MASP1: variants seen among roughly 807,000 people sequenced by gnomAD.
MASP1 encodes mannan-binding lectin serine protease 1.
Under a neutral mutation model 77.1 loss-of-function variants are expected in MASP1, and 59 were observed. The observed-to-expected ratio is 0.77, with a 90% CI of 0.62 to 0.95. The LOEUF is 0.95. Ranked by LOEUF, MASP1 falls within the 40% of genes least tolerant of loss-of-function variation. MASP1 has a pLI of 0.00. For synonymous variants in MASP1, 362 were observed against 354.5 expected (o/e 1.02, Z -0.24); for missense variants, 885 against 912.9 (o/e 0.97, Z 0.39).
chr3:187,291,656 C>G lies in MASP1; in HGVS notation c.-24G>C. 1.2e-6 allele frequency: 2 copies of G among 1,614,228 alleles called. No homozygotes were observed. The highest frequency in any genetic ancestry group is 1.7e-6 in the Non-Finnish European group (2 of 1,180,016). On this transcript the variant is annotated 5_prime_UTR_variant, in exon 1 of 11. Transcript: ENST00000296280. ...ATTTTCCTGCCTTGGGTGCTCCCGG[C>G]TGCCCGGCCTTGGTCCTCCCAGCTT...
downstream of MASP1, among the ~76,000 whole-genome samples, chr3:187,232,472 A>C (rs1012391257): frequency 6.6e-6 from 1 of 151,594 alleles, no homozygotes; most frequent in African/African-American, 2.4e-5. Context: ...TTGCTCATAA[A>C]CTCTTCCAGC....
At chr3:187,261,672 T>C (rs1484287212) in intron 3 of MASP1, among the ~76,000 whole-genome samples, 1 of 152,232 alleles carries the variant, frequency 6.6e-6, no homozygotes, top group African/African-American at 2.4e-5. Flanking sequence ...CAATGTCTCA[T>C]AAAGCTAAAC....
Position 187,236,362 on chromosome 3 carries a change from A to G in MASP1, c.1509T>C (p.Arg503=). The G allele has an allele frequency of 1.2e-6, 2 of 1,614,216 alleles. No individual in the cohort carries two copies. The highest frequency in any genetic ancestry group is 2.7e-5 in the African/African-American group (2 of 75,048). ...AGACTGGTATCACCGTGGTGTCTCT[A>G]CGCTGGGAGCGCAGCACATGAGCTG... ...LTAAHVLRSQ[R]RDTTVIPVSK... The change falls in exon 11 of 11, where the codon CGT becomes CGC. Residue 503 remains arginine (R), a synonymous_variant. Transcript: ENST00000296280.
At chr3:187,222,776 C>T (rs1310024773) in intron 14 of MASP1, among the ~76,000 whole-genome samples, 2 of 151,790 alleles carry the variant, frequency 1.3e-5, no homozygotes, top group African/African-American at 4.8e-5. Flanking sequence ...AAGAGCCTGG[C>T]TCATTCTGGC....
chr3:187,280,320 C>T (rs1463058654), intron 2 of MASP1, among the ~76,000 whole-genome samples: 2 of 152,138 alleles, frequency 1.3e-5, no homozygotes, highest in African/African-American at 4.8e-5. Flanking sequence ...AAACATGTCA[C>T]AGATGCTATT....
At chr3:187,259,985 T>A (rs1235937699) in intron 4 of MASP1, among the ~76,000 whole-genome samples, 1 of 152,214 alleles carries the variant, frequency 6.6e-6, no homozygotes. Context: ...TATTCTTTCA[T>A]CTCTGTCAAG....
chr3:187,218,216 G>A (rs1345323762), exon 16 of MASP1: 1 of 152,164 alleles, frequency 6.6e-6, no homozygotes, highest in Non-Finnish European at 1.5e-5. Flanking sequence ...TCTATTACAT[G>A]GTAGTCAATT....
intron 13 of MASP1, among the ~76,000 whole-genome samples, chr3:187,224,179 A>G (rs912164824): frequency 1.3e-5 from 2 of 152,292 alleles, no homozygotes; most frequent in Admixed American, 6.5e-5. Context: ...TGGGTCACCT[A>G]TGTTTAAGTA....
Position 187,257,277 on chromosome 3 carries a change from A to G in MASP1, c.548-417T>C, listed in dbSNP as rs565344509. Among the ~76,000 whole-genome samples the G allele has an allele frequency of 2.6e-5, 4 of 151,838 alleles. No individual in the cohort carries two copies. The South Asian group carries it at 8.3e-4, about 32-fold the overall frequency. On this transcript the variant is annotated intron_variant, in intron 4 of 10. Transcript: ENST00000296280. ...CCCTTGACACACACCCTCACTCCTC[A>G]CTGTCTAACCCCTGTCTTTGTTTTG... is the stretch of plus-strand genomic sequence containing the variant.
At chr3:187,237,550 A>G (rs1713285392) in intron 10 of MASP1, among the ~76,000 whole-genome samples, 1 of 152,250 alleles carries the variant, frequency 6.6e-6, no homozygotes, top group Non-Finnish European at 1.5e-5. Context: ...CATTGCACCC[A>G]GGAGCTGTGT....
intron 14 of MASP1, chr3:187,221,224 T>G: frequency 2.3e-6 from 2 of 853,426 alleles, no homozygotes; most frequent in Non-Finnish European, 3.9e-6. Flanking sequence ...CTCCACTCCA[T>G]ACCTGGACGG....
chr3:187,285,957 A>G lies in MASP1; in HGVS notation c.105T>C (p.Gly35=), dbSNP rs750190867. 1.2e-6 allele frequency: 2 copies of G among 1,614,222 alleles called. No individual in the cohort carries two copies. The highest frequency in any genetic ancestry group is 1.7e-6 in the Non-Finnish European group (2 of 1,180,030). ...AATCACTGGGATAGGAGTCTGGATA[A>G]CCAGGCGACTGGATCTGGCCAAACA... is the stretch of plus-strand genomic sequence containing the variant. The part of the protein sequence containing the change: ...NNMFGQIQSP[G]YPDSYPSDSE... Residue 35 remains glycine, a synonymous_variant, in exon 2 of 11, where the codon GGT becomes GGC. Transcript: ENST00000296280.
chr3:187,282,281 G>A (rs557283394), intron 2 of MASP1, among the ~76,000 whole-genome samples: 2 of 152,072 alleles, frequency 1.3e-5, no homozygotes, highest in South Asian at 2.1e-4. Flanking sequence ...GGAGGATCAC[G>A]AGGTCAGGAG....
At chr3:187,273,111 A>T (rs1716658408) in intron 2 of MASP1, among the ~76,000 whole-genome samples, 1 of 152,180 alleles carries the variant, frequency 6.6e-6, no homozygotes, top group Admixed American at 6.5e-5. Context: ...GGCAAGGGTC[A>T]CTTCATGCAT....
chr3:187,231,814 T>A (rs1047696829), downstream of MASP1, among the ~76,000 whole-genome samples: 21 of 152,300 alleles, frequency 1.4e-4, no homozygotes, highest in Admixed American at 7.2e-4. Flanking sequence ...GAATAAAAAA[T>A]TTGTAGGTTT....
chr3:187,220,523 T>C (rs531733596), intron 15 of MASP1, among the ~76,000 whole-genome samples: 1 of 136,038 alleles, frequency 7.4e-6, no homozygotes, highest in East Asian at 2.2e-4. Flanking sequence ...TGAGATGGAG[T>C]CTCGCTCTGT....
chr3:187,231,558 C>T (rs559056624), downstream of MASP1, among the ~76,000 whole-genome samples: 2 of 152,220 alleles, frequency 1.3e-5, no homozygotes, highest in Non-Finnish European at 2.9e-5. Flanking sequence ...TAAAATGTCT[C>T]TGAGACCATA....
intron 8 of MASP1, 91 bp from the exon 9 acceptor site, chr3:187,243,712 G>A: frequency 6.8e-7 from 1 of 1,463,140 alleles, no homozygotes; most frequent in Non-Finnish European, 9.5e-7. Flanking sequence ...TGTACAGGTT[G>A]TGCACTGCAC....
rs1446050699 is a variant in MASP1 at position 187,234,466 on chromosome 3, TCAGA to T, written c.*1214_*1217del. The T allele has an allele frequency of 1.0e-5, 13 of 1,285,620 alleles. No homozygotes were observed. Among genetic ancestry groups the T allele is most frequent in the African/African-American group, 1.5e-5 (1 of 65,762 alleles). 79.6% of individuals were successfully genotyped at this position (1,285,620 alleles called of 1,614,324 possible). On this transcript the variant is annotated 3_prime_UTR_variant, in exon 11 of 11. Coordinates refer to ENST00000296280, the MANE Select transcript of MASP1 (RefSeq NM_139125.4). Reference sequence around the variant, plus strand: ...CTGTTGCTGACGGAGAACCAGAGACTCAGACAAAGAAAATGATTTTTCAAAGGTT... The same window carrying T: ...CTGTTGCTGACGGAGAACCAGAGACTCAAAGAAAATGATTTTTCAAAGGTT...
Sources: allele counts gnomAD v4.1 joint callset (sites outside exome capture counted in the v4.1 genomes callset), GRCh38; gene constraint gnomAD v4.1.1; transcripts MANE v1.5; gene names NCBI Gene and HGNC (gene_info 2026-07-23, HGNC 2026-07-21).